SMYD3: variants seen among roughly 807,000 people sequenced by gnomAD.
SMYD3 encodes the protein SET and MYND domain containing 3.
SMYD3 carries 36 observed loss-of-function variants against 57.7 expected under a neutral mutation model. That is an observed-to-expected ratio of 0.62 (90% CI 0.48 to 0.82). SMYD3 has a LOEUF of 0.82. Among genes scored for constraint, SMYD3 ranks in the 40% least tolerant of loss-of-function variants. The pLI, the probability that SMYD3 is intolerant of heterozygous loss-of-function variation, is 0.00. For missense variants in SMYD3, 515 were observed against 538.8 expected (o/e 0.96, Z 0.44); for synonymous variants, 211 against 195.0 (o/e 1.08, Z -0.68).
chr1:245,925,150 T>C (rs1307266858), intron 7 of SMYD3, among the ~76,000 whole-genome samples: 2 of 152,138 alleles, frequency 1.3e-5, no homozygotes, highest in Non-Finnish European at 2.9e-5. Flanking sequence ...AAATGCAAAG[T>C]TCATGATAGG....
intron 1 of SMYD3, among the ~76,000 whole-genome samples, chr1:246,400,725 A>T (rs1414892496): frequency 6.6e-6 from 1 of 152,310 alleles, no homozygotes; most frequent in East Asian, 1.9e-4. Flanking sequence ...AAGACTTGAG[A>T]TATTTTTCTA....
intron 1 of SMYD3, among the ~76,000 whole-genome samples, chr1:246,443,757 G>A (rs555953955): frequency 1.3e-5 from 2 of 152,208 alleles, no homozygotes; most frequent in East Asian, 3.9e-4. Flanking sequence ...TTCCAGTATG[G>A]TATATACGTA....
chr1:246,358,596 C>T (rs947114688), intron 1 of SMYD3, among the ~76,000 whole-genome samples: 9 of 151,946 alleles, frequency 5.9e-5, no homozygotes, highest in African/African-American at 1.9e-4. Flanking sequence ...TTAAGAAAAT[C>T]GAAATTATAT....
At chr1:246,161,785 G>C (rs1048880637) in intron 5 of SMYD3, among the ~76,000 whole-genome samples, 1 of 152,116 alleles carries the variant, frequency 6.6e-6, no homozygotes, top group African/African-American at 2.4e-5. Flanking sequence ...CCCAAGTCCT[G>C]ATTTTTCTTT....
intron 5 of SMYD3, among the ~76,000 whole-genome samples, chr1:246,138,100 A>G (rs952984413): frequency 6.6e-6 from 1 of 152,198 alleles, no homozygotes; most frequent in African/African-American, 2.4e-5. Flanking sequence ...GAATAAAAAT[A>G]TAGTATGTAT....
intron 1 of SMYD3, among the ~76,000 whole-genome samples, chr1:246,372,652 CTT>C (rs1342106593): frequency 1.3e-5 from 2 of 152,154 alleles, no homozygotes; most frequent in African/African-American, 4.8e-5. Context: ...GGGTGGATCT[CTT>C]GAGGGCAGGG....
intron 2 of SMYD3, among the ~76,000 whole-genome samples, chr1:246,351,428 A>T (rs893962382): frequency 2.6e-5 from 4 of 152,170 alleles, no homozygotes; most frequent in African/African-American, 9.7e-5. Context: ...CTTTTTTATA[A>T]GAAATTTTAG....
At chr1:246,111,582 T>C (rs2061243253) in intron 5 of SMYD3, 1 of 152,252 alleles carries the variant, frequency 6.6e-6, no homozygotes, top group South Asian at 2.1e-4. Flanking sequence ...ACTGGTTTCA[T>C]TCATGTGGTC....
intron 1 of SMYD3, among the ~76,000 whole-genome samples, chr1:246,469,112 A>G (rs2067923183): frequency 6.6e-6 from 1 of 152,222 alleles, no homozygotes; most frequent in Non-Finnish European, 1.5e-5. Context: ...AGCACATGCC[A>G]TGAAGAACTC....
chr1:246,474,692 T>C (rs2068005216), intron 1 of SMYD3, among the ~76,000 whole-genome samples: 1 of 152,148 alleles, frequency 6.6e-6, no homozygotes, highest in African/African-American at 2.4e-5. Flanking sequence ...TAACAATTAC[T>C]GCAGAGGTCA....
At chr1:246,501,345 C>G (rs892974473) in intron 1 of SMYD3, among the ~76,000 whole-genome samples, 2 of 152,226 alleles carry the variant, frequency 1.3e-5, no homozygotes, top group Non-Finnish European at 2.9e-5. Flanking sequence ...CAATGTCTAA[C>G]ATTCTTAGTA....
intron 2 of SMYD3, among the ~76,000 whole-genome samples, chr1:246,339,197 G>A (rs2065591146): frequency 1.3e-5 from 2 of 152,104 alleles, no homozygotes; most frequent in Admixed American, 1.3e-4. Flanking sequence ...ACCACTTAGA[G>A]TACTTGAGTT....
intron 10 of SMYD3, among the ~76,000 whole-genome samples, chr1:245,853,811 T>C (rs1209457573): frequency 6.6e-6 from 1 of 152,224 alleles, no homozygotes; most frequent in Admixed American, 6.5e-5. Context: ...CCCTGATTTG[T>C]AACCATGGCA....
intron 5 of SMYD3, among the ~76,000 whole-genome samples, chr1:245,977,969 A>G (rs559077874): frequency 3.7e-4 from 57 of 152,348 alleles, no homozygotes; most frequent in African/African-American, 1.4e-3. Flanking sequence ...GATGTGAAGC[A>G]TATGGAGGCT....
chr1:245,844,405 G>C (rs1354479213), intron 10 of SMYD3, among the ~76,000 whole-genome samples: 1 of 152,118 alleles, frequency 6.6e-6, no homozygotes, highest in Non-Finnish European at 1.5e-5. Context: ...GGACCCCCCA[G>C]ATATATGTTA....
Position 246,303,375 on chromosome 1 carries a change from C to T in SMYD3, c.531+23826G>A, listed in dbSNP as rs777368837. ...ATACATTCCTCCCTCAGTATTGACTCTAGCACCCCTGTGGATACCAAAATC... is the reference window on the plus strand; with the variant it reads ...ATACATTCCTCCCTCAGTATTGACTTTAGCACCCCTGTGGATACCAAAATC... On this transcript the variant is annotated intron_variant, in intron 5 of 11. Coordinates refer to ENST00000490107, the MANE Select transcript of SMYD3 (RefSeq NM_001167740.2). Among the ~76,000 whole-genome samples the T allele has an allele frequency of 2.6e-5, 4 of 152,162 alleles. 1 individual carries two copies. Among genetic ancestry groups the T allele is most frequent in the Non-Finnish European group, 5.9e-5 (4 of 68,014 alleles).
intron 5 of SMYD3, chr1:245,930,807 T>A (rs555144369): frequency 6.6e-6 from 1 of 152,254 alleles, no homozygotes; most frequent in Non-Finnish European, 1.5e-5. Context: ...GATAGAAAAC[T>A]GTCACATGTA....
intron 1 of SMYD3, among the ~76,000 whole-genome samples, chr1:246,436,519 G>A (rs12088390): frequency 6.6e-6 from 1 of 152,066 alleles, no homozygotes; most frequent in Non-Finnish European, 1.5e-5. Flanking sequence ...GTAATACATA[G>A]AAAGTATCTA....
At chr1:246,471,808 G>A (rs2067964750) in intron 1 of SMYD3, among the ~76,000 whole-genome samples, 1 of 152,128 alleles carries the variant, frequency 6.6e-6, no homozygotes, top group African/African-American at 2.4e-5. Context: ...AATGTAGAAA[G>A]ACTACTTCTT....
Sources: allele counts gnomAD v4.1 joint callset (sites outside exome capture counted in the v4.1 genomes callset), GRCh38; gene constraint gnomAD v4.1.1; transcripts MANE v1.5; gene names NCBI Gene and HGNC (gene_info 2026-07-23, HGNC 2026-07-21).